Variants in DIAPH2 observed in about 807,000 individuals in gnomAD.
DIAPH2 encodes diaphanous related formin 2, also known as protein diaphanous homolog 2.
DIAPH2 carries 35 observed loss-of-function variants against 92.7 expected under a neutral mutation model. That is an observed-to-expected ratio of 0.38 (90% CI 0.29 to 0.50). The LOEUF is 0.50. Ranked by LOEUF, DIAPH2 falls within the 20% of genes least tolerant of loss-of-function variation. The pLI is 0.94. For synonymous variants in DIAPH2, 301 were observed against 280.4 expected, an observed-to-expected ratio of 1.07 and a Z score of -0.73; for missense variants, 701 against 819.5, an observed-to-expected ratio of 0.86 and a Z score of 1.77.
At chrX:97,469,777 G>A (rs756856794) in intron 26 of DIAPH2, 21 of 1,193,239 alleles carry the variant, frequency 1.8e-5, no homozygotes, top group Middle Eastern at 3.2e-4. Context: ...AGGATTGGGT[G>A]ATGGTACAAC....
intron 1 of DIAPH2, among the ~76,000 whole-genome samples, chrX:96,704,926 G>A (rs947251978): frequency 7.4e-5 from 8 of 107,551 alleles, no homozygotes; most frequent in African/African-American, 2.7e-4. Context: ...CTCCCTCCAC[G>A]TACTTACTCC....
chrX:96,770,069 G>A (rs1360309203), intron 4 of DIAPH2, among the ~76,000 whole-genome samples: 1 of 110,473 alleles, frequency 9.1e-6, no homozygotes, highest in Non-Finnish European at 1.9e-5. Context: ...CTGGTGGCAG[G>A]CCCCTGTAAT....
intron 5 of DIAPH2, among the ~76,000 whole-genome samples, chrX:96,886,774 T>C (rs2065264960): frequency 9.0e-6 from 1 of 111,375 alleles, no homozygotes; most frequent in Non-Finnish European, 1.9e-5. Context: ...CAATATTCTT[T>C]TGTGACATTA....
At chrX:97,248,873 T>C (rs1470865328) in intron 23 of DIAPH2, among the ~76,000 whole-genome samples, 3 of 111,645 alleles carry the variant, frequency 2.7e-5, no homozygotes, top group Admixed American at 9.6e-5. Context: ...ACTCTCAGTG[T>C]TTTGGTTCAT....
At chrX:97,199,108 G>A (rs978054558) in intron 22 of DIAPH2, among the ~76,000 whole-genome samples, 1 of 110,038 alleles carries the variant, frequency 9.1e-6, no homozygotes, top group African/African-American at 3.3e-5. Context: ...GAGGAAGGCA[G>A]TGCTGAGTTT....
chrX:97,595,556 T>G (rs1297706311), intron 26 of DIAPH2, among the ~76,000 whole-genome samples: 1 of 109,104 alleles, frequency 9.2e-6, no homozygotes, highest in African/African-American at 3.5e-5. Flanking sequence ...GATGCACATT[T>G]TCTTTTCTTT....
At chrX:97,558,286 G>A (rs981926337) in intron 26 of DIAPH2, among the ~76,000 whole-genome samples, 5 of 112,060 alleles carry the variant, frequency 4.5e-5, no homozygotes, top group Non-Finnish European at 7.5e-5. Flanking sequence ...CTTTGTTGAA[G>A]AAGGCTTTAT....
At chrX:96,750,908 C>T (rs1028750909) in intron 3 of DIAPH2, among the ~76,000 whole-genome samples, 1 of 112,252 alleles carries the variant, frequency 8.9e-6, no homozygotes, top group African/African-American at 3.2e-5. Context: ...CTGCTTTTAC[C>T]AAGTGTTTCT....
intron 20 of DIAPH2, among the ~76,000 whole-genome samples, chrX:97,113,318 T>C (rs1375054654): frequency 8.9e-6 from 1 of 111,881 alleles, no homozygotes. Context: ...AGGTTCTATG[T>C]TGAGTTTCAG....
chrX:96,874,083 C>G (rs1462028470), intron 4 of DIAPH2, among the ~76,000 whole-genome samples: 2 of 111,581 alleles, frequency 1.8e-5, no homozygotes, highest in Non-Finnish European at 3.8e-5. Context: ...ATAAATGTGA[C>G]TTGGTGACCA....
At chrX:97,146,442 C>G (rs996567732) in intron 22 of DIAPH2, among the ~76,000 whole-genome samples, 3 of 109,870 alleles carry the variant, frequency 2.7e-5, no homozygotes, top group Non-Finnish European at 3.8e-5. Context: ...CTACCAATAT[C>G]TTTTTTCATA....
chrX:97,375,000 C>CTGAT (rs1417375808), intron 24 of DIAPH2, among the ~76,000 whole-genome samples: 1 of 111,602 alleles, frequency 9.0e-6, no homozygotes, highest in East Asian at 2.8e-4. Flanking sequence ...TATATGAGTC[C>CTGAT]TGATTTACTT....
At position 97,187,033 on chromosome X, in the gene DIAPH2, G is replaced by A. The variant is rs776499593; in HGVS notation, c.2719+45239G>A. ...AGAAATGCCTTTTCTCAAGTTGATTGTTACCAGGAATGACTTCATATTGTT... is the reference window on the plus strand; with the variant it reads ...AGAAATGCCTTTTCTCAAGTTGATTATTACCAGGAATGACTTCATATTGTT... On this transcript the variant is annotated intron_variant, in intron 22 of 26. Transcript: ENST00000324765. 8.1e-5 allele frequency among the ~76,000 whole-genome samples: 9 copies of A among 111,572 alleles called. No homozygotes were observed. In the East Asian group the frequency reaches 2.3e-3, roughly 28 times the overall value.
intron 19 of DIAPH2, among the ~76,000 whole-genome samples, chrX:97,087,070 T>C (rs779615210): frequency 8.9e-6 from 1 of 112,106 alleles, no homozygotes; most frequent in Admixed American, 9.5e-5. Context: ...AATGTCTTCA[T>C]TGACATTCAT....
chrX:97,197,591 G>A (rs2067714283), intron 22 of DIAPH2, among the ~76,000 whole-genome samples: 1 of 112,106 alleles, frequency 8.9e-6, no homozygotes, highest in African/African-American at 3.2e-5. Flanking sequence ...TTTACTGGAA[G>A]ATAATTCTAT....
intron 5 of DIAPH2, chrX:96,884,993 G>T: frequency 4.1e-6 from 5 of 1,210,498 alleles, no homozygotes; most frequent in Non-Finnish European, 5.6e-6. Context: ...GCTCAGCTCT[G>T]CGACCTTAGC....
At chrX:97,450,706 C>T (rs1184021718) in intron 26 of DIAPH2, among the ~76,000 whole-genome samples, 1 of 110,881 alleles carries the variant, frequency 9.0e-6, no homozygotes, top group Non-Finnish European at 1.9e-5. Context: ...CCCTTATGTC[C>T]CACAATTTAC....
rs189990228 is a variant in DIAPH2 at position 97,205,068 on chromosome X, A to G, written c.2720-42647A>G. Among the ~76,000 whole-genome samples the G allele has an allele frequency of 5.6e-3, 629 of 111,866 alleles. 3 individuals are homozygous for G. The highest frequency in any genetic ancestry group is 8.8e-3 in the Non-Finnish European group (469 of 53,153). On this transcript the variant is annotated intron_variant, in intron 22 of 26. Coordinates refer to ENST00000324765, the MANE Select transcript of DIAPH2 (RefSeq NM_006729.5). Reference sequence around the variant, plus strand: ...CAACAAAACTGACAAAAAAAAAGCAATGGGGAAATGATTCCCTATTTAATA... The same window carrying G: ...CAACAAAACTGACAAAAAAAAAGCAGTGGGGAAATGATTCCCTATTTAATA...
intron 23 of DIAPH2, among the ~76,000 whole-genome samples, chrX:97,291,329 C>G (rs1311936196): frequency 9.0e-6 from 1 of 110,692 alleles, no homozygotes; most frequent in East Asian, 2.9e-4. Context: ...GTAGAGGAGA[C>G]AGAGGTTGTG....
Sources: allele counts gnomAD v4.1 joint callset (sites outside exome capture counted in the v4.1 genomes callset), GRCh38; gene constraint gnomAD v4.1.1; transcripts MANE v1.5; gene names NCBI Gene and HGNC (gene_info 2026-07-23, HGNC 2026-07-21).